Variants in DMD observed in about 807,000 individuals in gnomAD.
DMD encodes mutant dystrophin.
Under a neutral mutation model 330.1 loss-of-function variants are expected in DMD, and 63 were observed. The observed-to-expected ratio is 0.19, with a 90% CI of 0.16 to 0.24. DMD has a LOEUF of 0.24. Among genes scored for constraint, DMD ranks in the 10% least tolerant of loss-of-function variants. The pLI is 1.00. For missense variants in DMD, 3,344 were observed against 2,684.1 expected (o/e 1.25, Z -5.43); for synonymous variants, 1,223 against 959.8 (o/e 1.27, Z -5.07).
chrX:31,907,208 A>G (rs1437435850), intron 47 of DMD, among the ~76,000 whole-genome samples: 1 of 111,488 alleles, frequency 9.0e-6, no homozygotes, highest in Admixed American at 9.5e-5. Context: ...GGGTGAGAAG[A>G]AGTGAAATAG....
At chrX:31,325,953 T>TTTG (rs1556508480) in intron 61 of DMD, among the ~76,000 whole-genome samples, 8 of 110,046 alleles carry the variant, frequency 7.3e-5, no homozygotes, top group Admixed American at 1.9e-4. Context: ...TTTCTAGTTT[T>TTTG]TTTTTTTTTT....
chrX:32,006,711 T>C (rs1015231266), intron 44 of DMD, among the ~76,000 whole-genome samples: 4 of 110,690 alleles, frequency 3.6e-5, no homozygotes, highest in African/African-American at 1.3e-4. Flanking sequence ...TGTAATTAGT[T>C]AAGAATTTCA....
intron 9 of DMD, among the ~76,000 whole-genome samples, chrX:32,660,011 C>G (rs7883677): frequency 9.0e-6 from 1 of 110,931 alleles, no homozygotes; most frequent in African/African-American, 3.3e-5. Flanking sequence ...ATCCTGTTGG[C>G]TGAAAGCAGT....
At chrX:32,677,820 G>C (rs909111099) in intron 9 of DMD, among the ~76,000 whole-genome samples, 1 of 111,562 alleles carries the variant, frequency 9.0e-6, no homozygotes, top group Non-Finnish European at 1.9e-5. Flanking sequence ...GCTCATTATA[G>C]CACGATTAAA....
At chrX:32,778,600 C>CT (rs1305249498) in intron 7 of DMD, among the ~76,000 whole-genome samples, 5 of 112,134 alleles carry the variant, frequency 4.5e-5, no homozygotes, top group African/African-American at 1.6e-4. Flanking sequence ...GGCTTTGTTC[C>CT]TTTCTGGAAA....
intron 76 of DMD, among the ~76,000 whole-genome samples, chrX:31,142,258 C>G (rs1009959012): frequency 1.8e-5 from 2 of 111,265 alleles, no homozygotes; most frequent in Non-Finnish European, 3.8e-5. Flanking sequence ...TTAGAAGGCA[C>G]GTGTTCAAGT....
chrX:31,207,895 G>A (rs1472745403), intron 65 of DMD, among the ~76,000 whole-genome samples: 1 of 111,128 alleles, frequency 9.0e-6, no homozygotes, highest in Non-Finnish European at 1.9e-5. Flanking sequence ...TGGAACACTA[G>A]GCATAAATGG....
At chrX:31,891,338 A>G (rs888311841) in intron 47 of DMD, among the ~76,000 whole-genome samples, 1 of 111,579 alleles carries the variant, frequency 9.0e-6, no homozygotes, top group Admixed American at 9.6e-5. Context: ...AAAGAAAAAT[A>G]CTTGATTTCT....
chrX:32,018,518 C>A (rs1011178699), intron 44 of DMD, among the ~76,000 whole-genome samples: 4 of 111,481 alleles, frequency 3.6e-5, no homozygotes, highest in Non-Finnish European at 7.5e-5. Context: ...CTCTGACATA[C>A]CACTACTCTA....
At chrX:32,413,710 C>CTTTTTTT (rs779787287) in intron 29 of DMD, among the ~76,000 whole-genome samples, 61 of 78,556 alleles carry the variant, frequency 7.8e-4, no homozygotes, top group East Asian at 1.6e-3. Context: ...AAGCTCTATT[C>CTTTTTTT]TTTTTTTTTT....
At position 32,214,809 on chromosome X, in the gene DMD, T is replaced by C. The variant is rs761213906; in HGVS notation, c.6438+2107A>G. 3.6e-5 allele frequency among the ~76,000 whole-genome samples: 4 copies of C among 112,088 alleles called. No individual in the cohort carries two copies. The East Asian group carries it at 1.1e-3, about 32-fold the overall frequency. The stretch of plus-strand genomic sequence containing the variant: ...AATATATTTGAATTTATTTGAAGTA[T>C]CAAGCACGCGCTAAGTTAAAATTCA... On this transcript the variant is annotated intron_variant, in intron 44 of 78. Coordinates refer to ENST00000357033, the MANE Select transcript of DMD (RefSeq NM_004006.3).
At chrX:33,027,838 A>T (rs950827511) in intron 1 of DMD, among the ~76,000 whole-genome samples, 3 of 112,103 alleles carry the variant, frequency 2.7e-5, no homozygotes, top group Non-Finnish European at 5.6e-5. Flanking sequence ...GTGGTAGAAA[A>T]GAGAACTCCA....
chrX:32,156,467 T>G (rs2096830735), intron 44 of DMD, among the ~76,000 whole-genome samples: 1 of 112,496 alleles, frequency 8.9e-6, no homozygotes, highest in Non-Finnish European at 1.9e-5. Flanking sequence ...TATGTATTAT[T>G]TGCTTATTGC....
chrX:31,523,910 ATCTT>A (rs979493267), intron 55 of DMD, among the ~76,000 whole-genome samples: 1 of 105,323 alleles, frequency 9.5e-6, no homozygotes, highest in African/African-American at 3.8e-5. Context: ...TACCCTAAGA[ATCTT>A]TCTTATGTGC....
chrX:31,511,379 C>T (rs1228455011), intron 55 of DMD, among the ~76,000 whole-genome samples: 13 of 104,810 alleles, frequency 1.2e-4, no homozygotes, highest in South Asian at 4.3e-4. Flanking sequence ...ATGTGCACAA[C>T]GTGCAGGTTA....
intron 2 of DMD, among the ~76,000 whole-genome samples, chrX:32,860,117 G>A (rs1315246849): frequency 1.8e-5 from 2 of 111,946 alleles, no homozygotes; most frequent in African/African-American, 6.5e-5. Flanking sequence ...AAATACGGAA[G>A]CACAAACAGT....
Position 31,453,275 on chromosome X carries a change from C to T in DMD, c.8938-8648G>A, listed in dbSNP as rs752223980. On this transcript the variant is annotated intron_variant, in intron 59 of 78. Transcript: ENST00000357033. ...CTCCCAGGTTCAAGCAATTCTGCTG[C>T]CTCAGCCTCCCAAGTAGCTGGGATT... Among the ~76,000 whole-genome samples, 62 of 111,266 alleles carry T rather than the reference C, an allele frequency of 5.6e-4. 1 individual carries two copies. The highest frequency in any genetic ancestry group is 1.9e-3 in the Admixed American group (20 of 10,485).
At chrX:31,940,048 C>T (rs976590129) in intron 45 of DMD, among the ~76,000 whole-genome samples, 8 of 111,815 alleles carry the variant, frequency 7.2e-5, no homozygotes, top group Non-Finnish European at 1.3e-4. Context: ...CGGCAGCAAT[C>T]CCTGCCTCAT....
chrX:31,263,358 A>G (rs2050714488), intron 62 of DMD, among the ~76,000 whole-genome samples: 1 of 112,492 alleles, frequency 8.9e-6, no homozygotes, highest in Admixed American at 9.4e-5. Flanking sequence ...GGCTTCATGG[A>G]GCTCCCCATC....
Sources: gnomAD v4.1 joint callset for allele counts (sites outside exome capture counted in the v4.1 genomes callset) on GRCh38, gnomAD v4.1.1 for gene constraint, MANE v1.5 for transcripts, NCBI Gene and HGNC (gene_info 2026-07-23, HGNC 2026-07-21) for gene names.